Variants in GABRB3 observed in about 807,000 individuals in gnomAD.
GABRB3 encodes gamma-aminobutyric acid receptor subunit beta-3.
In GABRB3, 14 loss-of-function variants were observed where a neutral mutation model predicts 52.1. That is an observed-to-expected ratio of 0.27 (90% CI 0.18 to 0.42). GABRB3 has a LOEUF of 0.42. GABRB3 is among the 10% of genes least tolerant of loss of function. The probability of loss-of-function intolerance (pLI) is 1.00; values close to 1 mark genes in which losing one functional copy is unlikely to be tolerated. For missense variants in GABRB3, 307 were observed against 609.1 expected (o/e 0.50, Z 5.22); for synonymous variants, 260 against 232.3 (o/e 1.12, Z -1.08).
intron 3 of GABRB3, among the ~76,000 whole-genome samples, chr15:26,681,389 AG>A (rs941364873): frequency 6.6e-6 from 1 of 152,110 alleles, no homozygotes; most frequent in African/African-American, 2.4e-5. Flanking sequence ...CGTATGGGAA[AG>A]GGGATACTGT....
intron 3 of GABRB3, among the ~76,000 whole-genome samples, chr15:26,709,680 G>A (rs762655291): frequency 2.6e-5 from 4 of 151,806 alleles, no homozygotes; most frequent in Non-Finnish European, 4.4e-5. Context: ...ACCACGCCCA[G>A]CTAATTTTTT....
intron 4 of GABRB3, among the ~76,000 whole-genome samples, chr15:26,603,246 C>T (rs572866909): frequency 6.6e-6 from 1 of 151,992 alleles, no homozygotes; most frequent in African/African-American, 2.4e-5. Flanking sequence ...TAACAGGTAA[C>T]AAGATTGAAG....
At chr15:26,560,349 G>C (rs1595439704) in intron 8 of GABRB3, among the ~76,000 whole-genome samples, 1 of 152,196 alleles carries the variant, frequency 6.6e-6, no homozygotes, top group African/African-American at 2.4e-5. Context: ...GAAAGGGCAA[G>C]GGAGTCTTTC....
intron 3 of GABRB3, among the ~76,000 whole-genome samples, chr15:26,679,207 G>C (rs1453060863): frequency 3.3e-5 from 5 of 152,084 alleles, no homozygotes; most frequent in African/African-American, 1.2e-4. Flanking sequence ...AACTCTTTTG[G>C]GGGGAAAGTC....
chr15:26,700,579 T>C (rs576502579), intron 3 of GABRB3, among the ~76,000 whole-genome samples: 32 of 152,362 alleles, frequency 2.1e-4, no homozygotes, highest in Admixed American at 5.9e-4. Flanking sequence ...AATAGAATTT[T>C]GTAAATCAAA....
intron 3 of GABRB3, among the ~76,000 whole-genome samples, chr15:26,643,595 C>A (rs1342360937): frequency 1.3e-5 from 2 of 150,086 alleles, no homozygotes; most frequent in Admixed American, 6.7e-5. Flanking sequence ...ACGTAATGAA[C>A]CAACATGCAC....
chr15:26,585,899 T>C (rs1470620634), intron 4 of GABRB3, among the ~76,000 whole-genome samples: 4 of 152,228 alleles, frequency 2.6e-5, no homozygotes, highest in Non-Finnish European at 5.9e-5. Context: ...ATGCCTATAA[T>C]GCAAAATTAG....
At position 26,679,344 on chromosome 15, in the gene GABRB3, C is replaced by T. The variant is rs867055058; in HGVS notation, c.241-57810G>A. On this transcript the variant is annotated intron_variant, in intron 3 of 8. Transcript: ENST00000311550. The stretch of plus-strand genomic sequence containing the variant: ...GCTGGCATCTACCTTTCTAAAATAT[C>T]CTCCTTGAACTTTCAGAATAAAACG... Among the ~76,000 whole-genome samples, 103 of 152,192 alleles carry T rather than the reference C, an allele frequency of 6.8e-4. No individual in the cohort carries two copies. In the Middle Eastern group the frequency reaches 0.01, roughly 15 times the overall value.
At chr15:26,595,251 A>G (rs1891355123) in intron 4 of GABRB3, among the ~76,000 whole-genome samples, 1 of 152,158 alleles carries the variant, frequency 6.6e-6, no homozygotes, top group African/African-American at 2.4e-5. Flanking sequence ...GCTGAGATGA[A>G]CATCTTGCTT....
At chr15:26,594,932 G>A (rs1195130532) in intron 4 of GABRB3, among the ~76,000 whole-genome samples, 2 of 152,216 alleles carry the variant, frequency 1.3e-5, no homozygotes, top group East Asian at 3.8e-4. Flanking sequence ...CTATGTGCTA[G>A]GGCACACTTT....
chr15:26,647,067 T>G (rs761919145), intron 3 of GABRB3, among the ~76,000 whole-genome samples: 13 of 152,164 alleles, frequency 8.5e-5, no homozygotes, highest in Non-Finnish European at 1.9e-4. Flanking sequence ...ATGGTCTCGA[T>G]CTCTTGACCT....
chr15:26,767,021 G>A (rs1449895337), intron 3 of GABRB3: 4 of 152,152 alleles, frequency 2.6e-5, no homozygotes, highest in Non-Finnish European at 4.4e-5. Flanking sequence ...ATTATATAAG[G>A]TATTATTGTC....
At chr15:26,585,417 C>T (rs1165206195) in intron 4 of GABRB3, among the ~76,000 whole-genome samples, 1 of 152,164 alleles carries the variant, frequency 6.6e-6, no homozygotes, top group Non-Finnish European at 1.5e-5. Context: ...ACCAACAGAT[C>T]CTAATCCAAA....
chr15:26,755,139 GA>G (rs1217752158), intron 3 of GABRB3, among the ~76,000 whole-genome samples: 1 of 151,952 alleles, frequency 6.6e-6, no homozygotes, highest in Non-Finnish European at 1.5e-5. Flanking sequence ...AAGTACCTGG[GA>G]TTACAGGTGC....
intron 4 of GABRB3, among the ~76,000 whole-genome samples, chr15:26,597,506 C>A (rs1206029906): frequency 6.6e-6 from 1 of 152,164 alleles, no homozygotes; most frequent in African/African-American, 2.4e-5. Flanking sequence ...ACGAAGAATG[C>A]AGGCACATTT....
upstream of GABRB3, chr15:26,773,110 G>A (rs1228755955): frequency 1.2e-6 from 1 of 804,944 alleles, no homozygotes; most frequent in Non-Finnish European, 1.5e-6. Flanking sequence ...AGGAGGGGGA[G>A]GAGCGGGCGC....
chr15:26,635,282 T>C (rs1191733203), intron 3 of GABRB3, among the ~76,000 whole-genome samples: 7 of 151,824 alleles, frequency 4.6e-5, no homozygotes, highest in Non-Finnish European at 4.4e-5. Flanking sequence ...TGGCGAGTGA[T>C]TCATCCCCAT....
At chr15:26,737,874 T>G (rs1160927488) in intron 3 of GABRB3, among the ~76,000 whole-genome samples, 2 of 152,186 alleles carry the variant, frequency 1.3e-5, no homozygotes, top group Non-Finnish European at 2.9e-5. Context: ...CTGTGTAATA[T>G]TCTATCGTTT....
At chr15:26,737,613 T>C (rs1890097353) in intron 3 of GABRB3, among the ~76,000 whole-genome samples, 1 of 151,382 alleles carries the variant, frequency 6.6e-6, no homozygotes, top group Non-Finnish European at 1.5e-5. Context: ...TTTAATTTAC[T>C]ACAATGTGTG....
Sources: allele counts gnomAD v4.1 joint callset (sites outside exome capture counted in the v4.1 genomes callset), GRCh38; gene constraint gnomAD v4.1.1; transcripts MANE v1.5; gene names NCBI Gene and HGNC (gene_info 2026-07-23, HGNC 2026-07-21).